Variants in DAZL observed in about 807,000 individuals in gnomAD.
The protein encoded by DAZL is deleted in azoospermia-like.
DAZL carries 4 observed loss-of-function variants against 45.0 expected under a neutral mutation model. The observed-to-expected ratio is 0.09, with a 90% CI of 0.04 to 0.20. DAZL has a LOEUF of 0.20. DAZL is among the 10% of genes least tolerant of loss of function. The pLI, the probability that DAZL is intolerant of heterozygous loss-of-function variation, is 1.00. For missense variants in DAZL, 326 were observed against 351.3 expected (o/e 0.93, Z 0.58); for synonymous variants, 122 against 112.4 (o/e 1.09, Z -0.54).
chr3:16,605,318 G>C lies in DAZL; in HGVS notation c.-113C>G. On this transcript the variant is annotated 5_prime_UTR_variant, in exon 1 of 11. Coordinates refer to ENST00000399444, the MANE Select transcript of DAZL (RefSeq NM_001351.4). ...GCTGGAACCCGCTGCGCGGCTTCGA[G>C]TGGTCAAAGGAGCCAAAGATGAAGA... The C allele has an allele frequency of 2.3e-6, 3 of 1,314,526 alleles. No individual in the cohort carries two copies. Among genetic ancestry groups the C allele is most frequent in the Non-Finnish European group, 3.3e-6 (3 of 907,594 alleles). The allele number at this position is 1,314,526 out of a possible 1,614,324, so 81.4% of individuals were successfully genotyped here. A position where few individuals can be genotyped will look rare whatever the true frequency, so the allele number is the denominator to read the frequency against.
intron 1 of DAZL, among the ~76,000 whole-genome samples, chr3:16,599,010 C>T (rs6800888): frequency 0.14 from 21,300 of 151,756 alleles, 1,935 homozygotes; most frequent in East Asian, 0.46. Context: ...CTCGAACTCC[C>T]GACCTCAGGT....
intron 1 of DAZL, among the ~76,000 whole-genome samples, 163 bp downstream of exon 1, chr3:16,605,040 C>G (rs904354398): frequency 6.6e-6 from 1 of 152,246 alleles, no homozygotes; most frequent in Non-Finnish European, 1.5e-5. Context: ...ACTGCCAGGC[C>G]GCCTCTCCCA....
At chr3:16,597,075 C>A in intron 4 of DAZL, 24 bp from the exon 5 acceptor site, 1 of 1,603,860 alleles carries the variant, frequency 6.2e-7, no homozygotes, top group East Asian at 2.2e-5. Context: ...AGTAACAAAA[C>A]TAGAATCAAT....
At chr3:16,589,287 G>C (rs1166876667) in intron 10 of DAZL, among the ~76,000 whole-genome samples, 1 of 152,108 alleles carries the variant, frequency 6.6e-6, no homozygotes, top group Non-Finnish European at 1.5e-5. Context: ...TGTGCAGAGA[G>C]AAAAAAGTGA....
intron 4 of DAZL, among the ~76,000 whole-genome samples, 200 bp from the exon 5 acceptor site, chr3:16,597,251 G>C (rs1337113507): frequency 3.9e-5 from 6 of 152,040 alleles, no homozygotes; most frequent in African/African-American, 1.4e-4. Context: ...AGTGAAAGTT[G>C]ATCAAAAACT....
chr3:16,593,953 T>G (rs536812391), intron 8 of DAZL, among the ~76,000 whole-genome samples, 185 bp from the exon 9 acceptor site: 13 of 152,342 alleles, frequency 8.5e-5, no homozygotes, highest in Non-Finnish European at 1.6e-4. Flanking sequence ...GCCTTCTGTT[T>G]TAGAATGTCT....
intron 1 of DAZL, among the ~76,000 whole-genome samples, chr3:16,601,385 C>G (rs1236008648): frequency 1.3e-5 from 2 of 152,138 alleles, no homozygotes; most frequent in Non-Finnish European, 2.9e-5. Flanking sequence ...ACTTTAATAG[C>G]GTAATAACAT....
In DAZL at chr3:16,592,161, A is replaced by G; in HGVS notation, c.736-13T>C. On this transcript the variant is annotated splice_polypyrimidine_tract_variant and intron_variant, in intron 9 of 10. Coordinates refer to ENST00000399444, the MANE Select transcript of DAZL (RefSeq NM_001351.4). ...GGTCCACAGATTTCTGAAACACAGA[A>G]GTTTTCAGTAATGTAAAGACGACTC... is the stretch of plus-strand genomic sequence containing the variant. 6.2e-7 allele frequency: 1 copy of G among 1,611,062 alleles called. No individual in the cohort carries two copies. Among genetic ancestry groups the G allele is most frequent in the Non-Finnish European group, 8.5e-7 (1 of 1,178,398 alleles).
chr3:16,605,412 CGCAGGCGGACTGAG>C, exon 1 of DAZL: 1 of 655,866 alleles, frequency 1.5e-6, no homozygotes, highest in East Asian at 2.7e-5. Context: ...GGCTGAGGAG[CGCAGGCGGACTGAG>C]GCGTGGTCCG....
intron 8 of DAZL, among the ~76,000 whole-genome samples, 183 bp from the exon 9 acceptor site, chr3:16,593,951 T>C (rs369659193): frequency 2.6e-5 from 4 of 152,182 alleles, no homozygotes; most frequent in Non-Finnish European, 5.9e-5. Flanking sequence ...CAGCCTTCTG[T>C]TTTAGAATGT....
chr3:16,588,467 A>C lies in DAZL; in HGVS notation c.*193T>G. The stretch of plus-strand genomic sequence containing the variant: ...ATTTTTTTACTTTCAACTATATTTC[A>C]ACACAGAACCAGTTTCTAAATAAAC... On this transcript the variant is annotated 3_prime_UTR_variant, in exon 11 of 11. Transcript: ENST00000399444. 1 of 477,406 alleles carries C rather than the reference A, an allele frequency of 2.1e-6. No homozygotes were observed. The allele number at this position is 477,406 out of a possible 1,614,324, so 29.6% of individuals were successfully genotyped here.
chr3:16,598,054 T>A (rs779358643), intron 3 of DAZL, 33 bp downstream of exon 3: 17 of 1,480,192 alleles, frequency 1.1e-5, no homozygotes, highest in Non-Finnish European at 1.5e-5. Flanking sequence ...TATACGTGGC[T>A]AGAGTTCAGA....
At chr3:16,596,696 G>A (rs780290409) in intron 6 of DAZL, 54 bp downstream of exon 6, 42 of 1,587,998 alleles carry the variant, frequency 2.6e-5, no homozygotes, top group Non-Finnish European at 3.5e-5. Flanking sequence ...TAATTCCACA[G>A]AAGGTACGAT....
At chr3:16,588,771 G>A in intron 10 of DAZL, 58 bp from the exon 11 acceptor site, 2 of 1,355,100 alleles carry the variant, frequency 1.5e-6, no homozygotes, top group East Asian at 2.3e-5. Context: ...TACTACTATA[G>A]ATCTGAAAGT....
At chr3:16,596,453 G>C (rs1281258566) in intron 6 of DAZL, among the ~76,000 whole-genome samples, 1 of 151,850 alleles carries the variant, frequency 6.6e-6, no homozygotes, top group Non-Finnish European at 1.5e-5. Flanking sequence ...GACACATAAC[G>C]ATAGCTGCTT....
At position 16,596,730 on chromosome 3, in the gene DAZL, G is replaced by GAT; in HGVS notation, c.498+19_498+20insAT. ...ATGACTACAATAAACAAGAGAATAG[G>GAT]AACGTTAAGCAATTCTTACCTGAAC... On this transcript the variant is annotated intron_variant, in intron 6 of 10. Coordinates refer to ENST00000399444, the MANE Select transcript of DAZL (RefSeq NM_001351.4). 1 of 1,612,648 alleles carries GAT rather than the reference G, an allele frequency of 6.2e-7. No homozygotes were observed. Among genetic ancestry groups the GAT allele is most frequent in the South Asian group, 1.1e-5 (1 of 91,028 alleles).
intron 1 of DAZL, among the ~76,000 whole-genome samples, chr3:16,600,276 G>C (rs751579182): frequency 2.0e-5 from 3 of 152,144 alleles, no homozygotes; most frequent in Non-Finnish European, 2.9e-5. Context: ...TAAGAAAGTA[G>C]AGTTCCTGCT....
rs1694460136 is a variant in DAZL at position 16,587,877 on chromosome 3, G to A, written c.*783C>T. 6.5e-6 allele frequency: 1 copy of A among 152,772 alleles called. No homozygotes were observed. The highest frequency in any genetic ancestry group is 1.5e-5 in the Non-Finnish European group (1 of 68,226). 9.5% of individuals were successfully genotyped at this position (152,772 alleles called of 1,614,324 possible). ...TTTGCACAATTTGACATACAGCCAA[G>A]TTTAGCATTTCAAAGAAAAAAGTTT... On this transcript the variant is annotated 3_prime_UTR_variant, in exon 11 of 11. Transcript: ENST00000399444.
At chr3:16,597,776 A>C (rs1694622873) in intron 3 of DAZL, among the ~76,000 whole-genome samples, 1 of 152,182 alleles carries the variant, frequency 6.6e-6, no homozygotes, top group Admixed American at 6.5e-5. Context: ...CAAAGAATTC[A>C]TATCCATGAA....
Sources: gnomAD v4.1 joint callset for allele counts (sites outside exome capture counted in the v4.1 genomes callset) on GRCh38, gnomAD v4.1.1 for gene constraint, MANE v1.5 for transcripts, NCBI Gene and HGNC (gene_info 2026-07-23, HGNC 2026-07-21) for gene names.